Variants in DGCR2 observed in about 807,000 individuals in gnomAD.
DGCR2 encodes the protein DiGeorge syndrome critical region gene 2.
A neutral mutation model predicts 51.6 loss-of-function variants in DGCR2; 24 were observed. That is an observed-to-expected ratio of 0.47 (90% CI 0.34 to 0.65). DGCR2 has a LOEUF of 0.65. Ranked by LOEUF, DGCR2 falls within the 30% of genes least tolerant of loss-of-function variation. The pLI, the probability that DGCR2 is intolerant of heterozygous loss-of-function variation, is 0.01. For synonymous variants in DGCR2, 340 were observed against 315.4 expected (o/e 1.08, Z -0.82); for missense variants, 765 against 772.1 (o/e 0.99, Z 0.11).
chr22:19,060,754 T>A (rs774775466), intron 5 of DGCR2: 11 of 398,200 alleles, frequency 2.8e-5, no homozygotes, highest in South Asian at 1.9e-4. Flanking sequence ...CATCATGACC[T>A]GGTGCTGTCA....
intron 6 of DGCR2, among the ~76,000 whole-genome samples, chr22:19,051,128 G>A (rs1239071081): frequency 7.1e-6 from 1 of 141,074 alleles, no homozygotes; most frequent in Non-Finnish European, 1.5e-5. Flanking sequence ...GGTGGAGGTT[G>A]CAGTGAGCCA....
intron 2 of DGCR2, among the ~76,000 whole-genome samples, chr22:19,071,583 G>T (rs2082815834): frequency 6.6e-6 from 1 of 152,168 alleles, no homozygotes; most frequent in African/African-American, 2.4e-5. Flanking sequence ...ATATGGCAAT[G>T]TCATGAAAGA....
At chr22:19,053,795 G>A (rs1475854867) in intron 6 of DGCR2, among the ~76,000 whole-genome samples, 6 of 152,212 alleles carry the variant, frequency 3.9e-5, no homozygotes, top group Non-Finnish European at 7.3e-5. Flanking sequence ...AAAGGCTCCA[G>A]TGGAAAAGCT....
At chr22:19,098,786 G>A (rs369283219) in intron 1 of DGCR2, among the ~76,000 whole-genome samples, 4 of 152,024 alleles carry the variant, frequency 2.6e-5, no homozygotes, top group Non-Finnish European at 4.4e-5. Context: ...TAAAGACAAG[G>A]TCTTGCTATG....
chr22:19,094,695 A>G (rs2083119106), intron 1 of DGCR2, among the ~76,000 whole-genome samples: 2 of 152,258 alleles, frequency 1.3e-5, no homozygotes, highest in African/African-American at 4.8e-5. Flanking sequence ...ACTTGTTCAT[A>G]GTACTTTTAT....
At chr22:19,082,060 TTTTG>T (rs754990412) in intron 2 of DGCR2, among the ~76,000 whole-genome samples, 9 of 149,472 alleles carry the variant, frequency 6.0e-5, no homozygotes, top group South Asian at 2.2e-4. Flanking sequence ...TTGGGGTTTT[TTTTG>T]TTTTTTTTTT....
At chr22:19,104,036 A>T (rs1193022992) in intron 1 of DGCR2, among the ~76,000 whole-genome samples, 1 of 152,100 alleles carries the variant, frequency 6.6e-6, no homozygotes, top group African/African-American at 2.4e-5. Context: ...AAAGAGAGAG[A>T]GAAAAAAAGA....
At chr22:19,071,187 T>C (rs1204910774) in intron 2 of DGCR2, among the ~76,000 whole-genome samples, 4 of 152,160 alleles carry the variant, frequency 2.6e-5, no homozygotes. Flanking sequence ...CTGGGCTCCA[T>C]GACCTGTGCA....
intron 1 of DGCR2, among the ~76,000 whole-genome samples, chr22:19,098,645 C>T (rs371001227): frequency 1.6e-4 from 25 of 152,142 alleles, no homozygotes; most frequent in Non-Finnish European, 2.4e-4. Context: ...TGGAATGCAG[C>T]GGCATGACCA....
intron 4 of DGCR2, 133 bp from the exon 5 acceptor site, chr22:19,063,411 G>C (rs1248368127): frequency 2.3e-5 from 18 of 780,780 alleles, no homozygotes; most frequent in African/African-American, 3.4e-5. Flanking sequence ...TGCGATCTCG[G>C]CTCACTGCAA....
chr22:19,059,478 C>T (rs1446700717), intron 5 of DGCR2, among the ~76,000 whole-genome samples: 3 of 152,052 alleles, frequency 2.0e-5, no homozygotes, highest in Non-Finnish European at 4.4e-5. Flanking sequence ...TCAAACATCC[C>T]GCTCTTCCTG....
intron 2 of DGCR2, among the ~76,000 whole-genome samples, chr22:19,075,459 AG>A (rs1432537365): frequency 6.6e-6 from 1 of 151,892 alleles, no homozygotes; most frequent in East Asian, 1.9e-4. Flanking sequence ...AAAAAAAAAA[AG>A]AGTGTACAGT....
Position 19,076,724 on chromosome 22 carries a change from A to ATTTTTTT in DGCR2, c.203-8506_203-8500dup, listed in dbSNP as rs1165827499. ...AAATGTCTACTCAAGTCCTTTGCAC[A>ATTTTTTT]TTTTTTTTTTTTTTTTTTTTTTTTG... On this transcript the variant is annotated intron_variant, in intron 2 of 9. Coordinates refer to ENST00000263196, the MANE Select transcript of DGCR2 (RefSeq NM_005137.3). Among the ~76,000 whole-genome samples the ATTTTTTT allele has an allele frequency of 1.0e-3, 83 of 79,934 alleles. 1 individual carries two copies. Among genetic ancestry groups the ATTTTTTT allele is most frequent in the Non-Finnish European group, 1.1e-3 (51 of 44,984 alleles). The allele number at this position is 79,934 out of a possible 152,430, so 52.4% of individuals were successfully genotyped here.
At chr22:19,114,099 C>T (rs1418759277) in intron 1 of DGCR2, among the ~76,000 whole-genome samples, 1 of 130,314 alleles carries the variant, frequency 7.7e-6, no homozygotes, top group South Asian at 2.5e-4. Flanking sequence ...CGAGTTAAGA[C>T]AATCTTGCCC....
chr22:19,087,873 CG>C (rs2083035311), intron 2 of DGCR2, among the ~76,000 whole-genome samples: 1 of 152,132 alleles, frequency 6.6e-6, no homozygotes, highest in Admixed American at 6.5e-5. Context: ...TTATTAGAAA[CG>C]GGGTTTCACT....
rs540895943 is a variant in DGCR2 at position 19,122,375 on chromosome 22, C to A, written c.-169G>T. On this transcript the variant is annotated 5_prime_UTR_variant, in exon 1 of 10. Coordinates refer to ENST00000263196, the MANE Select transcript of DGCR2 (RefSeq NM_005137.3). ...GCCGCGGGCTGGCGCACACTCTCGG[C>A]TGCAACCTCAGGCACCGACTCCAGC... The A allele has an allele frequency of 6.5e-4, 322 of 495,186 alleles. No homozygotes were observed. Among genetic ancestry groups the A allele is most frequent in the Non-Finnish European group, 8.1e-4 (236 of 289,804 alleles). The allele number at this position is 495,186 out of a possible 1,614,324, so 30.7% of individuals were successfully genotyped here.
chr22:19,087,152 C>T (rs1048131762), intron 2 of DGCR2, among the ~76,000 whole-genome samples: 1 of 152,120 alleles, frequency 6.6e-6, no homozygotes, highest in Non-Finnish European at 1.5e-5. Context: ...GGCTGACCAA[C>T]CAGGGAACTT....
At chr22:19,094,834 G>A (rs1357770097) in intron 1 of DGCR2, among the ~76,000 whole-genome samples, 2 of 152,264 alleles carry the variant, frequency 1.3e-5, no homozygotes, top group African/African-American at 2.4e-5. Context: ...TCCGCAGCAT[G>A]GATGAATCTC....
chr22:19,088,214 T>C (rs1426839708), intron 2 of DGCR2, among the ~76,000 whole-genome samples: 2 of 152,168 alleles, frequency 1.3e-5, no homozygotes, highest in African/African-American at 4.8e-5. Flanking sequence ...CTCTGCCCCC[T>C]GGGAACTCAT....
Sources: gnomAD v4.1 joint callset for allele counts (sites outside exome capture counted in the v4.1 genomes callset) on GRCh38, gnomAD v4.1.1 for gene constraint, MANE v1.5 for transcripts, NCBI Gene and HGNC (gene_info 2026-07-23, HGNC 2026-07-21) for gene names.